POMGNT1: variants seen among roughly 807,000 people sequenced by gnomAD.
POMGNT1 encodes the protein protein O-linked-mannose beta-1,2-N-acetylglucosaminyltransferase 1.
Under a neutral mutation model 95.6 loss-of-function variants are expected in POMGNT1, and 67 were observed. The observed-to-expected ratio is 0.70, with a 90% CI of 0.58 to 0.86. The LOEUF (loss-of-function observed/expected upper bound fraction) is 0.86. POMGNT1 is among the 40% of genes least tolerant of loss of function. POMGNT1 has a pLI of 0.00. For synonymous variants in POMGNT1, 298 were observed against 317.9 expected (o/e 0.94, Z 0.66); for missense variants, 719 against 855.2 (o/e 0.84, Z 1.99).
rs1553163909 is a variant in POMGNT1 at position 46,195,827 on chromosome 1, A to AGCACTC, written c.512_517dup (p.Arg171_Val172dup). 4 of 1,597,980 alleles carry AGCACTC rather than the reference A, an allele frequency of 2.5e-6. No homozygotes were observed. Among genetic ancestry groups the AGCACTC allele is most frequent in the Non-Finnish European group, 3.4e-6 (4 of 1,171,098 alleles). ...ATAACTGACCTTGACAGTGCAGATG[A>AGCACTC]GCACTCGGCCGGGCGCTACCATGTT... On this transcript the variant is annotated inframe_insertion, in exon 6 of 22. Coordinates refer to ENST00000371984, the MANE Select transcript of POMGNT1 (RefSeq NM_017739.4).
upstream of POMGNT1, among the ~76,000 whole-genome samples, chr1:46,198,725 G>T (rs567980856): frequency 1.0e-3 from 154 of 152,268 alleles, no homozygotes; most frequent in African/African-American, 2.7e-3. Context: ...AGATCACAGG[G>T]CACGCCAGGG....
intron 1 of POMGNT1, among the ~76,000 whole-genome samples, chr1:46,208,789 C>G (rs1658803236): frequency 6.6e-6 from 1 of 151,964 alleles, no homozygotes. Flanking sequence ...TGCAATGAGC[C>G]AAGATCGTGC....
At chr1:46,206,406 T>C (rs1658718537) in intron 1 of POMGNT1, among the ~76,000 whole-genome samples, 1 of 152,090 alleles carries the variant, frequency 6.6e-6, no homozygotes, top group Admixed American at 6.6e-5. Context: ...CTGATTTATA[T>C]TGAGCAATGA....
intron 1 of POMGNT1, among the ~76,000 whole-genome samples, chr1:46,204,667 C>A (rs552074657): frequency 2.7e-4 from 41 of 152,280 alleles, no homozygotes; most frequent in African/African-American, 9.9e-4. Flanking sequence ...GTGGAGCAGT[C>A]AGGAAAGGCC....
chr1:46,193,151 A>G (rs1657922774), intron 13 of POMGNT1, 23 bp downstream of exon 13: 3 of 1,614,086 alleles, frequency 1.9e-6, no homozygotes, highest in Non-Finnish European at 1.7e-6. Context: ...CCCAGGCCCA[A>G]GAGTTGTATC....
rs1380930828 is a variant in POMGNT1, at chr1:46,190,235, AG to A, written c.1649+237del. ...AATTTTTTGTATTTTTAGTAGAGAC[AG>A]GGTTTCACCGTGTTAGCCAGGATGG... On this transcript the variant is annotated intron_variant, in intron 19 of 21. Coordinates refer to ENST00000371984, the MANE Select transcript of POMGNT1 (RefSeq NM_017739.4). 2.5e-4 allele frequency: 163 copies of A among 653,306 alleles called. 1 individual carries two copies. The highest frequency in any genetic ancestry group is 8.7e-4 in the Middle Eastern group (2 of 2,292). The allele number at this position is 653,306 out of a possible 1,614,324, so 40.5% of individuals were successfully genotyped here.
In POMGNT1 at chr1:46,188,769, T is replaced by C; in HGVS notation, c.*501A>G. 3 of 1,612,864 alleles carry C rather than the reference T, an allele frequency of 1.9e-6. No homozygotes were observed. Among genetic ancestry groups the C allele is most frequent in the Non-Finnish European group, 2.5e-6 (3 of 1,179,862 alleles). On this transcript the variant is annotated 3_prime_UTR_variant, in exon 22 of 22. Transcript: ENST00000371984. ...AAGAGAAGGCTGAGAGGAGGCCTGGTCCAGTGTCTAAGGGTCTCTGAGTGA... is the reference window on the plus strand; with the variant it reads ...AAGAGAAGGCTGAGAGGAGGCCTGGCCCAGTGTCTAAGGGTCTCTGAGTGA...
At chr1:46,203,448 C>G in intron 1 of POMGNT1, 2 of 1,489,456 alleles carry the variant, frequency 1.3e-6, no homozygotes, top group Non-Finnish European at 1.8e-6. Flanking sequence ...CGTGGAGTCC[C>G]AGACGCCTGA....
At chr1:46,193,959 T>G (rs745988955) in intron 9 of POMGNT1, 34 bp from the exon 10 acceptor site, 1 of 1,612,282 alleles carries the variant, frequency 6.2e-7, no homozygotes, top group Admixed American at 1.7e-5. Flanking sequence ...TCTTGCCTTA[T>G]TCCCCCTTCA....
At chr1:46,200,989 G>A (rs1393134172), upstream of POMGNT1, among the ~76,000 whole-genome samples, 1 of 152,170 alleles carries the variant, frequency 6.6e-6, no homozygotes, top group Non-Finnish European at 1.5e-5. Flanking sequence ...GAATTAGCTG[G>A]GTGTTGTGGC....
rs558585564 is a variant in POMGNT1, at chr1:46,211,950, C to T, written c.-51+7755G>A. ...CCAATTTTTGTATTTTTATTAGAGA[C>T]GGGGTTTCACCATGTTGGCCAGGCT... On this transcript the variant is annotated intron_variant, in intron 1 of 22. Coordinates refer to the POMGNT1 transcript ENST00000371992. 4.6e-5 allele frequency among the ~76,000 whole-genome samples: 7 copies of T among 152,064 alleles called. No individual in the cohort carries two copies. In the South Asian group the frequency reaches 6.2e-4, roughly 14 times the overall value.
chr1:46,197,022 A>C lies in POMGNT1; in HGVS notation c.183T>G (p.Thr61=). 2 of 1,614,084 alleles carry C rather than the reference A, an allele frequency of 1.2e-6. No homozygotes were observed. The highest frequency in any genetic ancestry group is 1.7e-6 in the Non-Finnish European group (2 of 1,180,006). ...CATTGGCTTCACTGATGGCTCGCCG[A>C]GTGTCCAGGATCAACTTGATATTGA... The part of the protein sequence containing the change: ...VIVNIKLILD[T]RRAISEANED... The change falls in exon 3 of 22, where the codon ACT becomes ACG. Residue 61 remains threonine (T), a synonymous_variant. Transcript: ENST00000371984.
upstream of POMGNT1, among the ~76,000 whole-genome samples, chr1:46,198,809 C>G (rs116486623): frequency 6.6e-6 from 1 of 152,354 alleles, no homozygotes; most frequent in African/African-American, 2.4e-5. Flanking sequence ...AGGCCGTTAC[C>G]TAGTCCTGGG....
chr1:46,199,129 A>G (rs1658457939), upstream of POMGNT1, among the ~76,000 whole-genome samples: 1 of 152,002 alleles, frequency 6.6e-6, no homozygotes, highest in African/African-American at 2.4e-5. Context: ...TTTAGTAGAG[A>G]CGGGGTTTCA....
In POMGNT1 at chr1:46,189,020, A is replaced by G. The variant is rs756213466; in HGVS notation, c.*250T>C. On this transcript the variant is annotated 3_prime_UTR_variant, in exon 22 of 22. Coordinates refer to ENST00000371984, the MANE Select transcript of POMGNT1 (RefSeq NM_017739.4). The stretch of plus-strand genomic sequence containing the variant: ...TATTCAAAGGGCAGGATGAGCTGCT[A>G]GGGATCGTAATGATTCCCAGGTACT... 1 of 1,581,946 alleles carries G rather than the reference A, an allele frequency of 6.3e-7. No individual in the cohort carries two copies. Among genetic ancestry groups the G allele is most frequent in the South Asian group, 1.1e-5 (1 of 87,246 alleles).
intron 1 of POMGNT1, chr1:46,198,117 T>C (rs568078722): frequency 2.2e-6 from 1 of 449,248 alleles, no homozygotes; most frequent in East Asian, 4.3e-5. Flanking sequence ...GGCCAAATAA[T>C]CGGCTCAAAG....
At chr1:46,214,155 G>C (rs574054967) in intron 1 of POMGNT1, among the ~76,000 whole-genome samples, 92 of 152,238 alleles carry the variant, frequency 6.0e-4, no homozygotes, top group African/African-American at 2.2e-3. Context: ...AGACCAGCCT[G>C]GCCAACATGA....
At position 46,193,691 on chromosome 1, in the gene POMGNT1, T is replaced by C. The variant is rs7527935; in HGVS notation, c.951-52A>G. On this transcript the variant is annotated intron_variant, in intron 10 of 21. Transcript: ENST00000371984. Reference sequence around the variant, plus strand: ...TCACTTCATCACCCCTCAACTCAGGTTCCCCTGTGTTTACAGCTGGGCCCA... The same window carrying C: ...TCACTTCATCACCCCTCAACTCAGGCTCCCCTGTGTTTACAGCTGGGCCCA... The C allele has an allele frequency of 0.35, 570,103 of 1,611,040 alleles. 102,772 individuals carry two copies. Among genetic ancestry groups the C allele is most frequent in the South Asian group, 0.45 (40,669 of 90,664 alleles).
Position 46,189,878 on chromosome 1 carries a change from G to A in POMGNT1, c.1761C>T (p.Phe587=). ...AFIRMEKDDD[F]TTWTQLAKCL... is the part of the protein sequence containing the mutation. ...CCTTGGCAAGCTGGGTCCAGGTGGTGAAGTCATCATCTTTCTCCATTCGAA... is the reference window on the plus strand; with the variant it reads ...CCTTGGCAAGCTGGGTCCAGGTGGTAAAGTCATCATCTTTCTCCATTCGAA... Residue 587 remains phenylalanine (F), a synonymous_variant, in exon 20 of 22, where the codon TTC becomes TTT. Coordinates refer to ENST00000371984, the MANE Select transcript of POMGNT1 (RefSeq NM_017739.4). The A allele has an allele frequency of 6.2e-7, 1 of 1,613,970 alleles. No individual in the cohort carries two copies. Among genetic ancestry groups the A allele is most frequent in the Non-Finnish European group, 8.5e-7 (1 of 1,180,018 alleles).
Sources: gnomAD v4.1 joint callset for allele counts (sites outside exome capture counted in the v4.1 genomes callset) on GRCh38, gnomAD v4.1.1 for gene constraint, MANE v1.5 for transcripts, NCBI Gene and HGNC (gene_info 2026-07-23, HGNC 2026-07-21) for gene names.